The following EDIL3 variants were observed in gnomAD, a reference collection of about 807,000 sequenced individuals.
The protein encoded by EDIL3 is EGF like and discoidin domains 3.
In EDIL3, 37 loss-of-function variants were observed where a neutral mutation model predicts 67.4. That is an observed-to-expected ratio of 0.55 (90% CI 0.42 to 0.72). The LOEUF is 0.72. Ranked by LOEUF, EDIL3 falls within the 30% of genes least tolerant of loss-of-function variation. The pLI, the probability that EDIL3 is intolerant of heterozygous loss-of-function variation, is 0.00. For missense variants in EDIL3, 527 were observed against 586.3 expected (o/e 0.90, Z 1.04); for synonymous variants, 195 against 196.3 (o/e 0.99, Z 0.05).
At chr5:84,142,849 C>T (rs1388807933) in intron 4 of EDIL3, among the ~76,000 whole-genome samples, 1 of 135,962 alleles carries the variant, frequency 7.4e-6, no homozygotes. Context: ...TTTTCTTTTG[C>T]GAAGACAAAT....
intron 3 of EDIL3, among the ~76,000 whole-genome samples, chr5:84,199,232 C>T (rs111678234): frequency 6.6e-6 from 1 of 151,966 alleles, no homozygotes; most frequent in East Asian, 1.9e-4. Flanking sequence ...TGCCTTTGTC[C>T]TATTTTCCTT....
intron 9 of EDIL3, among the ~76,000 whole-genome samples, chr5:84,012,510 A>T (rs1334214731): frequency 2.0e-5 from 3 of 152,120 alleles, no homozygotes; most frequent in African/African-American, 7.2e-5. Context: ...ATTTAATAAA[A>T]CAAACTCTTT....
chr5:84,332,797 G>C (rs1198743825), intron 1 of EDIL3, among the ~76,000 whole-genome samples: 1 of 151,964 alleles, frequency 6.6e-6, no homozygotes, highest in Admixed American at 6.6e-5. Flanking sequence ...ACAAAGAGCT[G>C]GAACTATAAT....
At chr5:84,257,276 T>C (rs1037094012) in intron 1 of EDIL3, among the ~76,000 whole-genome samples, 1 of 152,170 alleles carries the variant, frequency 6.6e-6, no homozygotes, top group Non-Finnish European at 1.5e-5. Context: ...GCCAGTCATA[T>C]CATGTTTCTG....
chr5:84,015,928 G>A (rs142430809), intron 9 of EDIL3, among the ~76,000 whole-genome samples: 1 of 152,152 alleles, frequency 6.6e-6, no homozygotes, highest in Non-Finnish European at 1.5e-5. Context: ...TGCATGTGAA[G>A]GTTTGTTACA....
intron 4 of EDIL3, among the ~76,000 whole-genome samples, chr5:84,159,604 A>G (rs539457545): frequency 6.6e-6 from 1 of 152,082 alleles, no homozygotes; most frequent in South Asian, 2.1e-4. Flanking sequence ...TTCAATAAAT[A>G]TATACTTAAG....
chr5:84,342,992 C>T (rs1747157006), intron 1 of EDIL3, among the ~76,000 whole-genome samples: 1 of 152,030 alleles, frequency 6.6e-6, no homozygotes, highest in South Asian at 2.1e-4. Context: ...ATTATCTATC[C>T]ATTCATTTGT....
At chr5:83,987,854 G>GGTGTGTGT (rs141209055) in intron 9 of EDIL3, among the ~76,000 whole-genome samples, 15,420 of 111,182 alleles carry the variant, frequency 0.14, 1,776 homozygotes, top group African/African-American at 0.34. Flanking sequence ...CAGCTGATAG[G>GGTGTGTGT]GTGTGTGTGT....
chr5:84,337,199 T>C (rs1416984903), intron 1 of EDIL3, among the ~76,000 whole-genome samples: 1 of 152,182 alleles, frequency 6.6e-6, no homozygotes, highest in Non-Finnish European at 1.5e-5. Flanking sequence ...CTCAGAACTT[T>C]GTCTCCTTAA....
chr5:84,275,238 G>C (rs1745554616), intron 1 of EDIL3, among the ~76,000 whole-genome samples: 1 of 152,174 alleles, frequency 6.6e-6, no homozygotes, highest in African/African-American at 2.4e-5. Context: ...GGCAAGACTA[G>C]AAACCAGTTT....
At chr5:84,000,567 A>G (rs926290989) in intron 9 of EDIL3, among the ~76,000 whole-genome samples, 6 of 151,430 alleles carry the variant, frequency 4.0e-5, no homozygotes, top group Non-Finnish European at 8.9e-5. Flanking sequence ...AACACCTACA[A>G]AAAAAAAGAG....
At chr5:84,269,203 G>A (rs1442427339) in intron 1 of EDIL3, among the ~76,000 whole-genome samples, 1 of 152,074 alleles carries the variant, frequency 6.6e-6, no homozygotes, top group Admixed American at 6.5e-5. Flanking sequence ...CTCAGAGATT[G>A]TCAGCACAAA....
chr5:84,064,273 T>G (rs1408215160), intron 8 of EDIL3, among the ~76,000 whole-genome samples: 1 of 152,204 alleles, frequency 6.6e-6, no homozygotes, highest in Non-Finnish European at 1.5e-5. Context: ...GTTCTTATGA[T>G]AGATGGACAA....
At chr5:84,080,319 A>T (rs1746942289) in intron 6 of EDIL3, among the ~76,000 whole-genome samples, 1 of 149,518 alleles carries the variant, frequency 6.7e-6, no homozygotes. Context: ...AAAAAAAATT[A>T]ACTCAAATAT....
At chr5:84,361,598 A>T (rs1351053711) in intron 1 of EDIL3, among the ~76,000 whole-genome samples, 1 of 151,604 alleles carries the variant, frequency 6.6e-6, no homozygotes, top group African/African-American at 2.4e-5. Context: ...TTTTCTGGAA[A>T]CCTACATATC....
At chr5:84,010,495 C>T (rs989846089) in intron 9 of EDIL3, among the ~76,000 whole-genome samples, 4 of 152,036 alleles carry the variant, frequency 2.6e-5, no homozygotes, top group African/African-American at 9.7e-5. Context: ...AATTATCTTT[C>T]CAGTACAGGT....
chr5:84,111,372 T>C (rs1315262424), intron 5 of EDIL3, among the ~76,000 whole-genome samples: 1 of 152,338 alleles, frequency 6.6e-6, no homozygotes, highest in Admixed American at 6.5e-5. Context: ...GATACCATCA[T>C]TGGCTTATAC....
chr5:84,195,885 G>A (rs1743693551), intron 3 of EDIL3, among the ~76,000 whole-genome samples: 1 of 151,944 alleles, frequency 6.6e-6, no homozygotes, highest in Non-Finnish European at 1.5e-5. Context: ...TGCTAGAGGG[G>A]AACCTGGGAA....
At chr5:84,031,400 AG>A (rs533794596) in intron 9 of EDIL3, among the ~76,000 whole-genome samples, 2 of 152,354 alleles carry the variant, frequency 1.3e-5, no homozygotes, top group South Asian at 4.1e-4. Flanking sequence ...TTTTTACTTT[AG>A]AAAATTGTAT....
Sources: gnomAD v4.1 joint callset for allele counts (sites outside exome capture counted in the v4.1 genomes callset) on GRCh38, gnomAD v4.1.1 for gene constraint, MANE v1.5 for transcripts, NCBI Gene and HGNC (gene_info 2026-07-23, HGNC 2026-07-21) for gene names.